Variants in MARCHF1 observed in about 807,000 individuals in gnomAD.
The protein encoded by MARCHF1 is membrane associated ring-CH-type finger 1, also known as E3 ubiquitin-protein ligase MARCHF1.
A neutral mutation model predicts 54.2 loss-of-function variants in MARCHF1; 40 were observed. That is an observed-to-expected ratio of 0.74 (90% CI 0.57 to 0.96). MARCHF1 has a LOEUF of 0.96. Ranked by LOEUF, MARCHF1 falls within the 40% of genes least tolerant of loss-of-function variation. The probability of loss-of-function intolerance (pLI) is 0.00; values close to 1 mark genes in which losing one functional copy is unlikely to be tolerated. For missense variants in MARCHF1, 586 were observed against 656.5 expected (o/e 0.89, Z 1.17); for synonymous variants, 236 against 236.3 (o/e 1.00, Z 0.01).
chr4:164,235,569 G>A (rs1157444255), intron 1 of MARCHF1, among the ~76,000 whole-genome samples: 1 of 152,078 alleles, frequency 6.6e-6, no homozygotes. Flanking sequence ...GTTATATGCA[G>A]AAACTGGCAT....
At chr4:164,025,763 C>T (rs1185439069) in intron 2 of MARCHF1, among the ~76,000 whole-genome samples, 1 of 149,744 alleles carries the variant, frequency 6.7e-6, no homozygotes, top group East Asian at 1.9e-4. Flanking sequence ...AGGCAAAAAT[C>T]CATGCAAAAG....
chr4:163,563,177 GCTTT>G (rs1340074387), intron 8 of MARCHF1, among the ~76,000 whole-genome samples: 1 of 152,056 alleles, frequency 6.6e-6, no homozygotes, highest in Non-Finnish European at 1.5e-5. Context: ...TCTGACACTT[GCTTT>G]CTATTTTACC....
intron 7 of MARCHF1, among the ~76,000 whole-genome samples, chr4:163,589,119 TA>T (rs1560959183): frequency 6.7e-6 from 1 of 148,634 alleles, no homozygotes; most frequent in Admixed American, 6.7e-5. Context: ...AATTCATCAC[TA>T]AAAAAAGATT....
intron 1 of MARCHF1, among the ~76,000 whole-genome samples, chr4:164,239,833 C>A (rs1285066811): frequency 6.6e-6 from 1 of 152,090 alleles, no homozygotes; most frequent in Non-Finnish European, 1.5e-5. Context: ...AGCAATTTTA[C>A]AGAACATAGT....
intron 4 of MARCHF1, among the ~76,000 whole-genome samples, chr4:163,718,365 C>A (rs981357263): frequency 3.3e-5 from 5 of 152,274 alleles, no homozygotes; most frequent in Middle Eastern, 3.4e-3. Flanking sequence ...AGTGAACAGG[C>A]AACCTACAGA....
intron 1 of MARCHF1, among the ~76,000 whole-genome samples, chr4:164,165,074 G>A (rs1730335364): frequency 6.6e-6 from 1 of 151,982 alleles, no homozygotes; most frequent in South Asian, 2.1e-4. Context: ...AGTTTAAAGA[G>A]CGCATGTCAG....
intron 1 of MARCHF1, among the ~76,000 whole-genome samples, chr4:164,349,840 A>G (rs1730226942): frequency 6.6e-6 from 1 of 152,212 alleles, no homozygotes; most frequent in Non-Finnish European, 1.5e-5. Flanking sequence ...ATCCACTCAA[A>G]TTGTTCAAAA....
chr4:164,056,915 A>C (rs1056022658), intron 2 of MARCHF1, among the ~76,000 whole-genome samples: 3 of 151,914 alleles, frequency 2.0e-5, no homozygotes, highest in Non-Finnish European at 2.9e-5. Flanking sequence ...TCTCACACTG[A>C]CCCAGCAACT....
intron 2 of MARCHF1, among the ~76,000 whole-genome samples, chr4:164,034,807 T>G (rs9994114): frequency 0.066 from 10,062 of 152,238 alleles, 686 homozygotes; most frequent in East Asian, 0.32. Context: ...ATGTAACACT[T>G]TTTACTTCTC....
chr4:163,550,678 A>G (rs1739082267), intron 8 of MARCHF1, among the ~76,000 whole-genome samples: 1 of 152,208 alleles, frequency 6.6e-6, no homozygotes, highest in Non-Finnish European at 1.5e-5. Flanking sequence ...CTGAAACAGC[A>G]AGTGTAAAGG....
intron 4 of MARCHF1, among the ~76,000 whole-genome samples, chr4:163,848,886 T>C (rs1406911174): frequency 6.6e-6 from 1 of 152,170 alleles, no homozygotes; most frequent in Non-Finnish European, 1.5e-5. Context: ...TAACTACTCT[T>C]TTCAATCAGG....
chr4:163,699,204 C>A (rs1744728324), intron 5 of MARCHF1, among the ~76,000 whole-genome samples: 1 of 152,196 alleles, frequency 6.6e-6, no homozygotes, highest in Non-Finnish European at 1.5e-5. Context: ...CACTGAGGTA[C>A]AATTCTCTAT....
At chr4:163,970,470 T>C (rs576596534) in intron 3 of MARCHF1, among the ~76,000 whole-genome samples, 1 of 152,294 alleles carries the variant, frequency 6.6e-6, no homozygotes, top group Admixed American at 6.5e-5. Context: ...AACGGATACA[T>C]GGACGGATGG....
chr4:163,886,409 A>G (rs1402748349), intron 3 of MARCHF1, among the ~76,000 whole-genome samples: 1 of 151,734 alleles, frequency 6.6e-6, no homozygotes, highest in African/African-American at 2.4e-5. Context: ...AGGGAGATGA[A>G]TGTGTGGCAA....
intron 3 of MARCHF1, among the ~76,000 whole-genome samples, chr4:163,861,782 G>A (rs996762642): frequency 2.0e-5 from 3 of 151,888 alleles, no homozygotes; most frequent in Admixed American, 6.6e-5. Flanking sequence ...CAATACTGAA[G>A]AAAAACAAAG....
At chr4:163,965,023 T>C (rs532847598) in intron 3 of MARCHF1, among the ~76,000 whole-genome samples, 1 of 152,146 alleles carries the variant, frequency 6.6e-6, no homozygotes, top group South Asian at 2.1e-4. Context: ...AAGGGTTCTA[T>C]ACAAGCTTCA....
chr4:164,190,285 C>A, intron 1 of MARCHF1: 1 of 814,734 alleles, frequency 1.2e-6, no homozygotes, highest in Non-Finnish European at 2.1e-6. Context: ...TATGGAAGTG[C>A]AAGCCCTCTC....
chr4:163,700,711 G>T, intron 5 of MARCHF1, 102 bp downstream of exon 5: 2 of 850,724 alleles, frequency 2.4e-6, no homozygotes, highest in Non-Finnish European at 1.9e-6. Context: ...TCACATTTGT[G>T]TTCTGCTCAC....
At chr4:163,920,509 G>T (rs1193931567) in intron 3 of MARCHF1, among the ~76,000 whole-genome samples, 1 of 152,168 alleles carries the variant, frequency 6.6e-6, no homozygotes, top group Non-Finnish European at 1.5e-5. Context: ...GCCTTTGCCA[G>T]TTTCTGAAGA....
Sources: allele counts gnomAD v4.1 joint callset (sites outside exome capture counted in the v4.1 genomes callset), GRCh38; gene constraint gnomAD v4.1.1; transcripts MANE v1.5; gene names NCBI Gene and HGNC (gene_info 2026-07-23, HGNC 2026-07-21).